CCSER1: variants seen among roughly 807,000 people sequenced by gnomAD.
CCSER1 encodes the protein coiled-coil serine rich protein 1.
In CCSER1, 41 loss-of-function variants were observed where a neutral mutation model predicts 82.0. The ratio of observed to expected loss-of-function variants is 0.50; its 90% CI spans 0.39 to 0.65. CCSER1 has a LOEUF of 0.65. Ranked by LOEUF, CCSER1 falls within the 30% of genes least tolerant of loss-of-function variation. CCSER1 has a pLI of 0.00. For missense variants in CCSER1, 1,119 were observed against 1,064.2 expected (o/e 1.05, Z -0.72); for synonymous variants, 414 against 383.9 (o/e 1.08, Z -0.92).
chr4:90,956,231 C>T (rs770531903), intron 9 of CCSER1, among the ~76,000 whole-genome samples: 84 of 152,074 alleles, frequency 5.5e-4, no homozygotes, highest in Non-Finnish European at 1.0e-3. Flanking sequence ...AAATAAAAAC[C>T]TACAGAAGCA....
chr4:91,540,438 C>G (rs1761527838), intron 10 of CCSER1, among the ~76,000 whole-genome samples: 1 of 152,076 alleles, frequency 6.6e-6, no homozygotes, highest in Non-Finnish European at 1.5e-5. Flanking sequence ...GCTAAGAGCT[C>G]TTTTTATGCT....
chr4:90,425,298 A>G (rs967714070), intron 4 of CCSER1, among the ~76,000 whole-genome samples: 2 of 152,146 alleles, frequency 1.3e-5, no homozygotes, highest in African/African-American at 4.8e-5. Context: ...GCAGTTGAAA[A>G]TGCATGAAGG....
At chr4:90,674,990 C>A (rs758898492) in intron 6 of CCSER1, among the ~76,000 whole-genome samples, 4 of 151,946 alleles carry the variant, frequency 2.6e-5, no homozygotes, top group Admixed American at 6.6e-5. Context: ...GCAGCATATG[C>A]TTAGTAAATA....
chr4:90,345,208 T>C (rs1229663066), intron 3 of CCSER1, among the ~76,000 whole-genome samples: 2 of 152,078 alleles, frequency 1.3e-5, no homozygotes, highest in Non-Finnish European at 2.9e-5. Context: ...TGTAGGAATG[T>C]AGTAGGAGAA....
At chr4:91,276,796 G>C (rs1353778288) in intron 10 of CCSER1, among the ~76,000 whole-genome samples, 1 of 151,982 alleles carries the variant, frequency 6.6e-6, no homozygotes, top group East Asian at 1.9e-4. Flanking sequence ...ATCATATATG[G>C]CATTTGTTAT....
intron 3 of CCSER1, among the ~76,000 whole-genome samples, chr4:90,386,341 A>G (rs1444732800): frequency 2.0e-5 from 3 of 152,204 alleles, no homozygotes; most frequent in African/African-American, 7.2e-5. Context: ...ATCCAGAAAT[A>G]AAGCCAATAT....
At chr4:90,592,342 C>T (rs905050886) in intron 5 of CCSER1, among the ~76,000 whole-genome samples, 9 of 152,178 alleles carry the variant, frequency 5.9e-5, no homozygotes, top group African/African-American at 2.2e-4. Flanking sequence ...ACCTGTAAGA[C>T]GGCATTAGAC....
At chr4:90,729,032 A>G (rs1744229892) in intron 7 of CCSER1, among the ~76,000 whole-genome samples, 1 of 152,208 alleles carries the variant, frequency 6.6e-6, no homozygotes, top group African/African-American at 2.4e-5. Context: ...ATCAAACCCC[A>G]GTTTTGCCAC....
At chr4:91,493,607 T>C (rs1421904126) in intron 10 of CCSER1, among the ~76,000 whole-genome samples, 1 of 151,852 alleles carries the variant, frequency 6.6e-6, no homozygotes. Flanking sequence ...ATCATTCTCA[T>C]AGCCAAATTA....
intron 4 of CCSER1, among the ~76,000 whole-genome samples, chr4:90,411,099 C>T (rs574703323): frequency 1.9e-4 from 29 of 152,180 alleles, no homozygotes; most frequent in East Asian, 1.5e-3. Flanking sequence ...CTGAATAGAC[C>T]AATAATAGGC....
intron 5 of CCSER1, among the ~76,000 whole-genome samples, chr4:90,474,539 C>T (rs1012066773): frequency 3.3e-5 from 5 of 152,126 alleles, no homozygotes; most frequent in Non-Finnish European, 5.9e-5. Flanking sequence ...AGCAGTTCTC[C>T]CCAGCTCTAG....
chr4:91,428,899 A>G (rs2149390979), intron 10 of CCSER1, among the ~76,000 whole-genome samples: 1 of 152,124 alleles, frequency 6.6e-6, no homozygotes. Context: ...CAATGCTGCA[A>G]TCAACATCTT....
At chr4:90,571,409 A>G (rs1469480250) in intron 5 of CCSER1, among the ~76,000 whole-genome samples, 1 of 152,236 alleles carries the variant, frequency 6.6e-6, no homozygotes, top group Non-Finnish European at 1.5e-5. Context: ...ATAAAAAAGA[A>G]TGAAATCACG....
intron 1 of CCSER1, among the ~76,000 whole-genome samples, chr4:90,246,623 G>A: frequency 6.6e-6 from 1 of 151,958 alleles, no homozygotes; most frequent in East Asian, 1.9e-4. Context: ...TCACTGCTGG[G>A]TACAGCAATG....
intron 8 of CCSER1, among the ~76,000 whole-genome samples, chr4:90,861,914 A>G (rs562364381): frequency 1.5e-3 from 184 of 122,532 alleles, no homozygotes; most frequent in Non-Finnish European, 3.0e-3. Context: ...TCATATATAT[A>G]TATATATATA....
rs544242822 is a variant in CCSER1 at position 91,504,868 on chromosome 4, C to T, written c.2218-93704C>T. 1.1e-4 allele frequency among the ~76,000 whole-genome samples: 17 copies of T among 152,092 alleles called. 1 individual carries two copies. The South Asian group carries it at 3.5e-3, about 32-fold the overall frequency. On this transcript the variant is annotated intron_variant, in intron 10 of 10. Coordinates refer to ENST00000509176, the MANE Select transcript of CCSER1 (RefSeq NM_001145065.2). The stretch of plus-strand genomic sequence containing the variant: ...ACCAAGTGAATAAATTACTAGCATG[C>T]CCATCTGATTTTTGACATTTATTTC...
At chr4:90,987,757 T>A (rs537697336) in intron 9 of CCSER1, among the ~76,000 whole-genome samples, 22 of 151,880 alleles carry the variant, frequency 1.4e-4, no homozygotes, top group African/African-American at 3.4e-4. Flanking sequence ...GTGCCATAGA[T>A]CTCTGAGGAT....
chr4:91,117,297 T>C (rs535798665), intron 10 of CCSER1, among the ~76,000 whole-genome samples: 1 of 152,288 alleles, frequency 6.6e-6, no homozygotes, highest in South Asian at 2.1e-4. Context: ...TGAGACATCA[T>C]AGTGTTAATA....
At chr4:90,150,281 A>T (rs539485783) in intron 1 of CCSER1, among the ~76,000 whole-genome samples, 137 of 152,254 alleles carry the variant, frequency 9.0e-4, no homozygotes, top group African/African-American at 3.2e-3. Flanking sequence ...GTAAAATATC[A>T]TTATTAGTTA....
Sources: allele counts gnomAD v4.1 joint callset (sites outside exome capture counted in the v4.1 genomes callset), GRCh38; gene constraint gnomAD v4.1.1; transcripts MANE v1.5; gene names NCBI Gene and HGNC (gene_info 2026-07-23, HGNC 2026-07-21).